PPM1B: variants seen among roughly 807,000 people sequenced by gnomAD.
PPM1B encodes protein phosphatase, Mg2+/Mn2+ dependent 1B.
A neutral mutation model predicts 43.0 loss-of-function variants in PPM1B; 22 were observed. The observed-to-expected ratio is 0.51, with a 90% CI of 0.37 to 0.73. The LOEUF is 0.73. Ranked by LOEUF, PPM1B falls within the 30% of genes least tolerant of loss-of-function variation. The pLI is 0.00. For synonymous variants in PPM1B, 217 were observed against 197.9 expected (o/e 1.10, Z -0.81); for missense variants, 632 against 584.2 (o/e 1.08, Z -0.84).
At chr2:44,190,321 G>GT (rs1194185140) in intron 1 of PPM1B, among the ~76,000 whole-genome samples, 4 of 151,744 alleles carry the variant, frequency 2.6e-5, no homozygotes, top group Non-Finnish European at 4.4e-5. Context: ...CATCCAGCTA[G>GT]TTTTTTTGTG....
chr2:44,208,358 G>T (rs1052809517), intron 2 of PPM1B, among the ~76,000 whole-genome samples: 1 of 152,134 alleles, frequency 6.6e-6, no homozygotes, highest in African/African-American at 2.4e-5. Context: ...ACTACAGTTG[G>T]ATCTCAGTTG....
chr2:44,228,638 T>C (rs1156635198), intron 5 of PPM1B, among the ~76,000 whole-genome samples: 1 of 152,246 alleles, frequency 6.6e-6, no homozygotes, highest in Non-Finnish European at 1.5e-5. Flanking sequence ...ATCAATAACC[T>C]ATTTTGTATT....
At chr2:44,197,870 T>C (rs973417222) in intron 1 of PPM1B, among the ~76,000 whole-genome samples, 1 of 152,162 alleles carries the variant, frequency 6.6e-6, no homozygotes, top group Non-Finnish European at 1.5e-5. Flanking sequence ...GCCTGACATA[T>C]AGAACTCATT....
At chr2:44,180,282 A>T (rs1305985191) in intron 1 of PPM1B, among the ~76,000 whole-genome samples, 1 of 152,110 alleles carries the variant, frequency 6.6e-6, no homozygotes, top group Non-Finnish European at 1.5e-5. Flanking sequence ...AGAGCCAAAG[A>T]TGTTCTCAAA....
chr2:44,229,636 C>T (rs1173839161), intron 5 of PPM1B, among the ~76,000 whole-genome samples: 1 of 152,140 alleles, frequency 6.6e-6, no homozygotes, highest in East Asian at 1.9e-4. Context: ...GGCACGAATA[C>T]AGGACATGAC....
At chr2:44,235,749 A>G (rs1044149635), downstream of PPM1B, among the ~76,000 whole-genome samples, 3 of 152,040 alleles carry the variant, frequency 2.0e-5, no homozygotes, top group African/African-American at 7.3e-5. Flanking sequence ...AAAAATTCTA[A>G]GTACTCTAGC....
At chr2:44,181,668 A>G (rs546284193) in intron 1 of PPM1B, among the ~76,000 whole-genome samples, 3 of 152,362 alleles carry the variant, frequency 2.0e-5, no homozygotes, top group East Asian at 1.9e-4. Flanking sequence ...GATTAATACT[A>G]GAGGAATGCT....
Position 44,218,471 on chromosome 2 carries a change from T to G in PPM1B, c.1077-9T>G, listed in dbSNP as rs766106053. The G allele has an allele frequency of 1.3e-6, 2 of 1,571,290 alleles. No homozygotes were observed. The highest frequency in any genetic ancestry group is 2.4e-5 in the South Asian group (2 of 84,406). On this transcript the variant is annotated splice_polypyrimidine_tract_variant and intron_variant, in intron 4 of 5. Coordinates refer to ENST00000282412, the MANE Select transcript of PPM1B (RefSeq NM_002706.6). The stretch of plus-strand genomic sequence containing the variant: ...TTTAATAAAACTAAAGCATGTTTTT[T>G]TTTTTTAGGCGTAATGTTATTGAAG...
At chr2:44,227,018 G>A (rs961676920) in intron 5 of PPM1B, among the ~76,000 whole-genome samples, 1 of 151,614 alleles carries the variant, frequency 6.6e-6, no homozygotes, top group African/African-American at 2.4e-5. Flanking sequence ...CCATTGCCCA[G>A]GCTGGAGTGT....
At chr2:44,226,295 A>C (rs915222523) in intron 5 of PPM1B, among the ~76,000 whole-genome samples, 2 of 151,980 alleles carry the variant, frequency 1.3e-5, no homozygotes, top group Non-Finnish European at 2.9e-5. Context: ...TTTAAAAAGC[A>C]ACTTCTCTTC....
At chr2:44,232,244 T>G, downstream of PPM1B, 1 of 1,559,692 alleles carries the variant, frequency 6.4e-7, no homozygotes, top group Non-Finnish European at 8.7e-7. Context: ...AATTTTGTTT[T>G]CTTTTGAAAT....
intron 5 of PPM1B, among the ~76,000 whole-genome samples, chr2:44,224,455 CAAAA>C (rs75767532): frequency 4.7e-5 from 4 of 84,670 alleles, no homozygotes; most frequent in Admixed American, 1.4e-4. Context: ...ACTCCGTCTC[CAAAA>C]AAAAAAAAAA....
intron 5 of PPM1B, among the ~76,000 whole-genome samples, chr2:44,226,035 G>A (rs1558429147): frequency 1.3e-5 from 2 of 150,090 alleles, no homozygotes; most frequent in Admixed American, 6.6e-5. Flanking sequence ...GAGTGCAGTG[G>A]TGCCATCTCA....
chr2:44,218,561 G>T, intron 5 of PPM1B, 24 bp downstream of exon 5: 1 of 1,484,126 alleles, frequency 6.7e-7, no homozygotes, highest in Non-Finnish European at 9.2e-7. Flanking sequence ...TATTTCATAA[G>T]CATTTGAAGT....
At chr2:44,209,572 A>G in intron 3 of PPM1B, 2 of 364,308 alleles carry the variant, frequency 5.5e-6, no homozygotes, top group Non-Finnish European at 1.0e-5. Context: ...ATGAGGTCAG[A>G]TCGACACCAT....
At chr2:44,220,330 A>G (rs1037540040) in intron 5 of PPM1B, among the ~76,000 whole-genome samples, 6 of 151,862 alleles carry the variant, frequency 4.0e-5, no homozygotes, top group African/African-American at 1.5e-4. Context: ...ACTCCAAACA[A>G]GGTTTTCTGT....
At chr2:44,193,411 A>G (rs1183556318) in intron 1 of PPM1B, among the ~76,000 whole-genome samples, 1 of 150,980 alleles carries the variant, frequency 6.6e-6, no homozygotes, top group Non-Finnish European at 1.5e-5. Flanking sequence ...TTTGAAAAAA[A>G]TTTTTTTAGA....
chr2:44,245,074 C>T (rs923189103), downstream of PPM1B, among the ~76,000 whole-genome samples: 3 of 151,876 alleles, frequency 2.0e-5, no homozygotes, highest in Non-Finnish European at 2.9e-5. Flanking sequence ...AAAAAATATG[C>T]CAAAATAAAC....
chr2:44,238,841 T>C (rs1042394619), downstream of PPM1B, among the ~76,000 whole-genome samples: 25 of 152,128 alleles, frequency 1.6e-4, no homozygotes, highest in Non-Finnish European at 3.5e-4. Context: ...GATCCTATAC[T>C]CCAAGAGTTA....
Sources: allele counts gnomAD v4.1 joint callset (sites outside exome capture counted in the v4.1 genomes callset), GRCh38; gene constraint gnomAD v4.1.1; transcripts MANE v1.5; gene names NCBI Gene and HGNC (gene_info 2026-07-23, HGNC 2026-07-21).